The following TEK variants were observed in gnomAD, a reference collection of about 807,000 sequenced individuals.
TEK encodes angiopoietin-1 receptor.
In TEK, 43 loss-of-function variants were observed where a neutral mutation model predicts 131.8. The observed-to-expected ratio is 0.33, with a 90% CI of 0.26 to 0.42. TEK has a LOEUF of 0.42. Ranked by LOEUF, TEK falls within the 10% of genes least tolerant of loss-of-function variation. The pLI is 1.00. For missense variants in TEK, 1,162 were observed against 1,384.4 expected (o/e 0.84, Z 2.55); for synonymous variants, 580 against 491.6 (o/e 1.18, Z -2.38).
At chr9:27,157,143 G>T (rs1823363043) in intron 1 of TEK, among the ~76,000 whole-genome samples, 1 of 152,198 alleles carries the variant, frequency 6.6e-6, no homozygotes, top group South Asian at 2.1e-4. Flanking sequence ...TGGGGAGAGG[G>T]TAAGGTTTGG....
intron 1 of TEK, among the ~76,000 whole-genome samples, chr9:27,111,311 C>T (rs1008181745): frequency 6.6e-6 from 1 of 152,154 alleles, no homozygotes; most frequent in Non-Finnish European, 1.5e-5. Context: ...TTGTCTTGAT[C>T]GTAGCTTGCA....
chr9:27,123,477 G>A (rs554061943), intron 1 of TEK, among the ~76,000 whole-genome samples: 7 of 152,162 alleles, frequency 4.6e-5, no homozygotes, highest in Non-Finnish European at 8.8e-5. Flanking sequence ...ACACTGTAAT[G>A]AGGGTAGGTA....
chr9:27,138,242 G>A lies in TEK; in HGVS notation c.53-19589G>A, dbSNP rs141181506. On this transcript the variant is annotated intron_variant, in intron 1 of 22. Transcript: ENST00000380036. ...GTGTGGAAGGGGATCTGAGCGGGTT[G>A]CCGCTGCTGGCTCAGGTGGCCAGCT... Among the ~76,000 whole-genome samples, 684 of 152,362 alleles carry A rather than the reference G, an allele frequency of 4.5e-3. 9 individuals are homozygous for A. Among genetic ancestry groups the A allele is most frequent in the African/African-American group, 0.015 (633 of 41,586 alleles).
chr9:27,170,468 T>C (rs1057230116), intron 4 of TEK, among the ~76,000 whole-genome samples: 2 of 151,994 alleles, frequency 1.3e-5, no homozygotes, highest in Non-Finnish European at 2.9e-5. Context: ...CTACAAAAAA[T>C]ACAAAAATTA....
intron 16 of TEK, among the ~76,000 whole-genome samples, chr9:27,211,014 C>G (rs562659949): frequency 1.3e-5 from 2 of 151,818 alleles, no homozygotes; most frequent in Non-Finnish European, 2.9e-5. Context: ...CCCAGCTACT[C>G]GGGATGCTGA....
chr9:27,169,702 A>G (rs1823877275), intron 4 of TEK, 73 bp downstream of exon 4: 1 of 1,601,424 alleles, frequency 6.2e-7, no homozygotes, highest in African/African-American at 1.3e-5. Flanking sequence ...TGCAAATAAC[A>G]GAAACTAACC....
chr9:27,171,377 G>A (rs1055509066), intron 4 of TEK, among the ~76,000 whole-genome samples: 2 of 152,120 alleles, frequency 1.3e-5, no homozygotes, highest in African/African-American at 4.8e-5. Flanking sequence ...AAAATGTGTT[G>A]GTCATAACTC....
At chr9:27,150,048 C>A (rs763499083) in intron 1 of TEK, among the ~76,000 whole-genome samples, 5 of 152,204 alleles carry the variant, frequency 3.3e-5, no homozygotes, top group Non-Finnish European at 5.9e-5. Flanking sequence ...TGTACCCTTT[C>A]TAGCTTTTTA....
At chr9:27,205,650 A>C (rs1455911848) in intron 14 of TEK, among the ~76,000 whole-genome samples, 1 of 151,986 alleles carries the variant, frequency 6.6e-6, no homozygotes, top group African/African-American at 2.4e-5. Flanking sequence ...TCATCTAGGA[A>C]TTCTAACCAG....
intron 1 of TEK, among the ~76,000 whole-genome samples, chr9:27,141,560 T>C (rs886154215): frequency 6.6e-5 from 10 of 152,230 alleles, no homozygotes; most frequent in African/African-American, 2.4e-4. Flanking sequence ...AAATATACTT[T>C]CATGATGAAA....
At chr9:27,123,198 T>C (rs569877302) in intron 1 of TEK, among the ~76,000 whole-genome samples, 2 of 148,636 alleles carry the variant, frequency 1.3e-5, no homozygotes, top group Non-Finnish European at 3.0e-5. Context: ...GGGAGGGAGA[T>C]GGGGCGGGTA....
At chr9:27,151,993 C>G (rs538814837) in intron 1 of TEK, among the ~76,000 whole-genome samples, 1 of 152,194 alleles carries the variant, frequency 6.6e-6, no homozygotes, top group East Asian at 1.9e-4. Context: ...GCTTTTGACT[C>G]AGACCTTTTC....
At chr9:27,216,659 A>G (rs1432443240) in intron 18 of TEK, among the ~76,000 whole-genome samples, 1 of 152,246 alleles carries the variant, frequency 6.6e-6, no homozygotes, top group African/African-American at 2.4e-5. Context: ...AAATGTATGC[A>G]TCAGAATATT....
chr9:27,114,093 T>G (rs533047234), intron 1 of TEK, among the ~76,000 whole-genome samples: 6 of 152,350 alleles, frequency 3.9e-5, no homozygotes, highest in Admixed American at 3.9e-4. Flanking sequence ...TTTAGCCCAA[T>G]TAGCCTCTAA....
intron 1 of TEK, among the ~76,000 whole-genome samples, chr9:27,143,201 C>T (rs752116960): frequency 4.6e-5 from 7 of 152,032 alleles, no homozygotes; most frequent in African/African-American, 1.7e-4. Flanking sequence ...GGGGAGGGAG[C>T]GGTGATTGAA....
intron 1 of TEK, among the ~76,000 whole-genome samples, chr9:27,133,703 C>T (rs544796962): frequency 5.9e-5 from 9 of 152,292 alleles, no homozygotes; most frequent in African/African-American, 1.9e-4. Context: ...GTGGGACTGT[C>T]ATGGATGGTG....
chr9:27,196,148 C>T (rs1448154871), intron 11 of TEK, among the ~76,000 whole-genome samples: 1 of 152,198 alleles, frequency 6.6e-6, no homozygotes, highest in Non-Finnish European at 1.5e-5. Flanking sequence ...CTTGGCAAAT[C>T]TACTGTTTTG....
intron 1 of TEK, among the ~76,000 whole-genome samples, chr9:27,124,937 C>T (rs1051266212): frequency 2.0e-5 from 3 of 152,176 alleles, no homozygotes; most frequent in African/African-American, 7.2e-5. Flanking sequence ...TCAGCTGATT[C>T]TCTTCCAGCA....
chr9:27,195,633 C>G (rs971415147), intron 11 of TEK: 38 of 455,520 alleles, frequency 8.3e-5, no homozygotes, highest in African/African-American at 7.2e-4. Flanking sequence ...AATCAATTTA[C>G]TATTATTAAC....
Sources: gnomAD v4.1 joint callset for allele counts (sites outside exome capture counted in the v4.1 genomes callset) on GRCh38, gnomAD v4.1.1 for gene constraint, MANE v1.5 for transcripts, NCBI Gene and HGNC (gene_info 2026-07-23, HGNC 2026-07-21) for gene names.